The following RNGTT variants were observed in gnomAD, a reference collection of about 807,000 sequenced individuals.
RNGTT encodes mRNA-capping enzyme.
Under a neutral mutation model 79.3 loss-of-function variants are expected in RNGTT, and 33 were observed. The observed-to-expected ratio is 0.42, with a 90% CI of 0.32 to 0.56. RNGTT has a LOEUF of 0.56. Among genes scored for constraint, RNGTT ranks in the 20% least tolerant of loss-of-function variants. RNGTT has a pLI of 0.17. For missense variants in RNGTT, 497 were observed against 739.1 expected (o/e 0.67, Z 3.80); for synonymous variants, 222 against 235.9 (o/e 0.94, Z 0.54).
intron 13 of RNGTT, among the ~76,000 whole-genome samples, chr6:88,706,978 T>A (rs1384442893): frequency 6.6e-6 from 1 of 152,136 alleles, no homozygotes; most frequent in East Asian, 1.9e-4. Context: ...CAAAGAGAAG[T>A]CAATTCCTTT....
At chr6:88,839,850 T>C (rs72909747) in intron 11 of RNGTT, among the ~76,000 whole-genome samples, 1,596 of 152,344 alleles carry the variant, frequency 0.01, 14 homozygotes, top group Middle Eastern at 0.024. Flanking sequence ...TTGTTATTAC[T>C]ATTTTGGATG....
In RNGTT at chr6:88,614,323, T is replaced by C. The variant is rs765958618; in HGVS notation, c.1579A>G (p.Met527Val). The change falls in exon 15 of 16, where the codon ATG becomes GTG. Residue 527 changes from methionine to valine, a missense_variant. Coordinates refer to ENST00000369485, the MANE Select transcript of RNGTT (RefSeq NM_003800.5). Reference sequence around the variant, plus strand: ...AAACTTTTGTCTGTTCTCTGTCTCATGAAGACCCAGCTGTTGTTCTCAAAT... The same window carrying C: ...AAACTTTTGTCTGTTCTCTGTCTCACGAAGACCCAGCTGTTGTTCTCAAAT... ...CKFENNSWVF[M>V]RQRTDKSFPN... The C allele has an allele frequency of 6.2e-7, 1 of 1,613,924 alleles. No homozygotes were observed. The highest frequency in any genetic ancestry group is 8.5e-7 in the Non-Finnish European group (1 of 1,179,778).
Position 88,665,485 on chromosome 6 carries a change from T to G in RNGTT, c.1506+12868A>C, listed in dbSNP as rs368031861. The stretch of plus-strand genomic sequence containing the variant: ...TACAGGCCAGTACAGGACTTGCGAT[T>G]GGTCAATCAAGCCACAGTGACTTTC... On this transcript the variant is annotated intron_variant, in intron 14 of 15. Coordinates refer to ENST00000369485, the MANE Select transcript of RNGTT (RefSeq NM_003800.5). Among the ~76,000 whole-genome samples, 258 of 152,292 alleles carry G rather than the reference T, an allele frequency of 1.7e-3. 3 individuals carry two copies. The South Asian group carries it at 0.021, about 12-fold the overall frequency.
intron 9 of RNGTT, among the ~76,000 whole-genome samples, chr6:88,850,602 C>CA (rs59569099): frequency 0.17 from 25,013 of 151,120 alleles, 3,192 homozygotes; most frequent in East Asian, 0.61. Flanking sequence ...TCTAAAATTA[C>CA]AAAAAAAACA....
Position 88,750,920 on chromosome 6 carries a change from A to G in RNGTT, c.1439+18854T>C, listed in dbSNP as rs547384977. On this transcript the variant is annotated intron_variant, in intron 13 of 15. Transcript: ENST00000369485. ...CACTAACCTTACTTACTCTAATAGT[A>G]TAGCATTTGGCACAGTAATAGTTAT... 2.0e-4 allele frequency among the ~76,000 whole-genome samples: 30 copies of G among 152,298 alleles called. 1 individual carries two copies. The East Asian group carries it at 3.5e-3, about 18-fold the overall frequency.
chr6:88,782,453 GAAGTA>G (rs1387094545), intron 12 of RNGTT, among the ~76,000 whole-genome samples: 1 of 151,974 alleles, frequency 6.6e-6, no homozygotes, highest in Admixed American at 6.6e-5. Flanking sequence ...AAAACTCCTA[GAAGTA>G]AACAAAGAAA....
intron 13 of RNGTT, among the ~76,000 whole-genome samples, chr6:88,681,382 A>C (rs1582322428): frequency 1.3e-5 from 2 of 152,124 alleles, no homozygotes; most frequent in African/African-American, 4.8e-5. Flanking sequence ...TTTCACTTTT[A>C]AAAAACACTG....
At position 88,904,730 on chromosome 6, in the gene RNGTT, T is replaced by C; in HGVS notation, c.669A>G (p.Lys223=). The C allele has an allele frequency of 6.2e-7, 1 of 1,613,716 alleles. No homozygotes were observed. Among genetic ancestry groups the C allele is most frequent in the Non-Finnish European group, 8.5e-7 (1 of 1,179,916 alleles). Residue 223 remains lysine, a synonymous_variant, in exon 6 of 16, where the codon AAA becomes AAG. Coordinates refer to ENST00000369485, the MANE Select transcript of RNGTT (RefSeq NM_003800.5). The part of the protein sequence containing the change: ...GSSASFGKRR[K]ERLKLGAIFL... ...TAAACATTACCAGTTTTAACCGTTC[T>C]TTTCTCCTTTTGCCAAAAGAAGCAC...
intron 14 of RNGTT, among the ~76,000 whole-genome samples, chr6:88,659,966 C>G (rs1045798694): frequency 1.3e-5 from 2 of 152,146 alleles, no homozygotes; most frequent in African/African-American, 4.8e-5. Flanking sequence ...CAGCAGAAAC[C>G]TTACAAACCA....
intron 8 of RNGTT, among the ~76,000 whole-genome samples, chr6:88,868,847 T>C (rs1376170691): frequency 6.6e-6 from 1 of 152,166 alleles, no homozygotes; most frequent in Non-Finnish European, 1.5e-5. Flanking sequence ...GCAAGCACCA[T>C]CTTTTTCATA....
In RNGTT at chr6:88,614,254, G is replaced by A. The variant is rs1219410825; in HGVS notation, c.1630+18C>T. The A allele has an allele frequency of 3.1e-6, 5 of 1,612,480 alleles. No individual in the cohort carries two copies. The highest frequency in any genetic ancestry group is 3.4e-6 in the Non-Finnish European group (4 of 1,179,186). On this transcript the variant is annotated intron_variant, in intron 15 of 15. Transcript: ENST00000369485. ...TTTGTTTTAAATATAATAAGCACTG[G>A]TAAGTTGTCATACTCACCCATGGCA...
intron 14 of RNGTT, among the ~76,000 whole-genome samples, chr6:88,674,198 T>C (rs1035253800): frequency 6.6e-6 from 1 of 152,216 alleles, no homozygotes; most frequent in African/African-American, 2.4e-5. Context: ...AATGGAGTTA[T>C]TTAAAGAGGT....
At chr6:88,803,164 G>A (rs1337742123) in intron 11 of RNGTT, among the ~76,000 whole-genome samples, 4 of 152,162 alleles carry the variant, frequency 2.6e-5, no homozygotes, top group South Asian at 2.1e-4. Context: ...TCAAATTTGA[G>A]TTTAAAAATC....
intron 14 of RNGTT, among the ~76,000 whole-genome samples, chr6:88,635,718 G>A (rs1351642113): frequency 6.6e-6 from 1 of 152,050 alleles, no homozygotes; most frequent in Non-Finnish European, 1.5e-5. Flanking sequence ...TGGAGTTGAT[G>A]CAGTTCTTTT....
At chr6:88,675,652 CT>C (rs1774842774) in intron 14 of RNGTT, among the ~76,000 whole-genome samples, 2 of 151,594 alleles carry the variant, frequency 1.3e-5, no homozygotes, top group African/African-American at 4.9e-5. Context: ...ATAAAAGCTA[CT>C]GAACTAATAA....
chr6:88,896,144 T>C (rs987889482), intron 6 of RNGTT, among the ~76,000 whole-genome samples: 13 of 152,182 alleles, frequency 8.5e-5, no homozygotes, highest in African/African-American at 2.9e-4. Context: ...AAGGCCCTCT[T>C]GTGTTTACAC....
At chr6:88,698,181 A>G (rs534243990) in intron 13 of RNGTT, among the ~76,000 whole-genome samples, 2 of 118,930 alleles carry the variant, frequency 1.7e-5, no homozygotes, top group Non-Finnish European at 3.3e-5. Context: ...TATATATGAT[A>G]TATATATGAA....
intron 15 of RNGTT, among the ~76,000 whole-genome samples, 160 bp from the exon 16 acceptor site, chr6:88,613,042 A>T (rs1056090538): frequency 6.6e-6 from 1 of 152,112 alleles, no homozygotes; most frequent in African/African-American, 2.4e-5. Context: ...CCTACCCTAC[A>T]CCCAAAATAT....
chr6:88,698,281 T>TA (rs1775817202), intron 13 of RNGTT, among the ~76,000 whole-genome samples: 4 of 115,868 alleles, frequency 3.5e-5, no homozygotes, highest in African/African-American at 1.5e-4. Context: ...TATATATATT[T>TA]CATATATATC....
Sources: allele counts gnomAD v4.1 joint callset (sites outside exome capture counted in the v4.1 genomes callset), GRCh38; gene constraint gnomAD v4.1.1; transcripts MANE v1.5; gene names NCBI Gene and HGNC (gene_info 2026-07-23, HGNC 2026-07-21).